The following TMEM272 variants were observed in gnomAD, a reference collection of about 807,000 sequenced individuals.
TMEM272 encodes the protein transmembrane protein 272.
A neutral mutation model predicts 3.7 loss-of-function variants in TMEM272; 8 were observed. That is an observed-to-expected ratio of 2.17 (90% CI 1.27 to 3.91). The LOEUF (loss-of-function observed/expected upper bound fraction) is 3.91. TMEM272 is among the 30% of genes most tolerant of loss of function. The probability of loss-of-function intolerance (pLI) is 0.00; values close to 1 mark genes in which losing one functional copy is unlikely to be tolerated. For synonymous variants in TMEM272, 63 were observed against 39.8 expected (o/e 1.58, Z -2.20); for missense variants, 166 against 91.5 (o/e 1.81, Z -3.32).
Position 51,838,611 on chromosome 13 carries a change from T to C in TMEM272, c.-23-58A>G, listed in dbSNP as rs1198184164. The C allele has an allele frequency of 9.2e-5, 65 of 702,806 alleles. No homozygotes were observed. In the East Asian group the frequency reaches 1.7e-3, roughly 19 times the overall value. The allele number at this position is 702,806 out of a possible 1,614,324, so 43.5% of individuals were successfully genotyped here. On this transcript the variant is annotated intron_variant, in intron 1 of 4. Transcript: ENST00000629372. ...GGTGGAAGGATTTACTCAGCACCAA[T>C]AACCAACCCTCTCTGTGCATGTCAG...
chr13:51,930,137 C>A, the TMEM272 span, among the ~76,000 whole-genome samples: 374 of 148,724 alleles, frequency 2.5e-3, 2 homozygotes, highest in African/African-American at 8.6e-3. Flanking sequence ...TCCCCCCCCC[C>A]ACTTTCTATA....
intron 1 of TMEM272, among the ~76,000 whole-genome samples, chr13:51,844,084 A>C (rs142571435): frequency 4.9e-4 from 74 of 152,272 alleles, no homozygotes; most frequent in Non-Finnish European, 2.9e-4. Flanking sequence ...CCAAAATGTC[A>C]ATAGGACTAG....
the TMEM272 span, among the ~76,000 whole-genome samples, chr13:51,901,823 C>A: frequency 6.6e-6 from 1 of 152,218 alleles, no homozygotes; most frequent in Non-Finnish European, 1.5e-5. Context: ...CCCAGCCTAG[C>A]TACAATCCTC....
the TMEM272 span, among the ~76,000 whole-genome samples, chr13:51,913,665 T>C: frequency 6.6e-6 from 1 of 152,120 alleles, no homozygotes; most frequent in Non-Finnish European, 1.5e-5. Flanking sequence ...CATGTCCTTC[T>C]GGGGGATGCT....
At chr13:51,849,735 G>T (rs1221611747), upstream of TMEM272, among the ~76,000 whole-genome samples, 2 of 152,258 alleles carry the variant, frequency 1.3e-5, no homozygotes, top group Non-Finnish European at 2.9e-5. Context: ...CTTGGAGTGG[G>T]TGTGAGGAAA....
chr13:51,922,959 T>C, the TMEM272 span, among the ~76,000 whole-genome samples: 1 of 152,214 alleles, frequency 6.6e-6, no homozygotes, highest in Non-Finnish European at 1.5e-5. Context: ...TCAAGACCCT[T>C]AATCACATGT....
At chr13:51,929,267 C>T in the TMEM272 span, among the ~76,000 whole-genome samples, 2 of 152,112 alleles carry the variant, frequency 1.3e-5, no homozygotes, top group Non-Finnish European at 2.9e-5. Context: ...GATAAAAATA[C>T]GTTGACTGTC....
At chr13:51,841,116 G>T (rs1050917081) in intron 1 of TMEM272, among the ~76,000 whole-genome samples, 1 of 152,046 alleles carries the variant, frequency 6.6e-6, no homozygotes, top group Non-Finnish European at 1.5e-5. Flanking sequence ...AACCCTCCTG[G>T]ATCCAGTGAT....
At chr13:51,912,813 C>T in the TMEM272 span, among the ~76,000 whole-genome samples, 4 of 152,146 alleles carry the variant, frequency 2.6e-5, no homozygotes, top group East Asian at 5.8e-4. Context: ...ATTTAATGCA[C>T]GCTCACTGAA....
the TMEM272 span, chr13:51,910,294 A>G: frequency 2.1e-6 from 3 of 1,424,458 alleles, no homozygotes; most frequent in Admixed American, 1.7e-5. Flanking sequence ...TCTAAAGATG[A>G]CTCTACTTCA....
At chr13:51,831,229 C>T (rs1399925088) in intron 2 of TMEM272, among the ~76,000 whole-genome samples, 4 of 152,170 alleles carry the variant, frequency 2.6e-5, no homozygotes. Flanking sequence ...TGAAACCCAC[C>T]TGGGCAACAT....
At chr13:51,881,358 ACT>A in the TMEM272 span, among the ~76,000 whole-genome samples, 2 of 133,112 alleles carry the variant, frequency 1.5e-5, no homozygotes, top group African/African-American at 5.5e-5. Flanking sequence ...TATTATAATA[ACT>A]CTTTTAAAAA....
chr13:51,881,319 C>T, the TMEM272 span, among the ~76,000 whole-genome samples: 1 of 151,906 alleles, frequency 6.6e-6, no homozygotes, highest in Admixed American at 6.6e-5. Flanking sequence ...TTACAGATGA[C>T]ATGGATGGTG....
At chr13:51,932,680 A>T in the TMEM272 span, 3 of 152,248 alleles carry the variant, frequency 2.0e-5, no homozygotes, top group African/African-American at 7.2e-5. Context: ...TTTTAGAGGA[A>T]TGACAGGAAC....
chr13:51,888,645 T>G, the TMEM272 span, among the ~76,000 whole-genome samples: 1 of 104,040 alleles, frequency 9.6e-6, no homozygotes, highest in Admixed American at 9.2e-5. Flanking sequence ...TTTTCTTTTT[T>G]TTTTTTTTTT....
chr13:51,880,432 A>C, the TMEM272 span, among the ~76,000 whole-genome samples: 2 of 152,240 alleles, frequency 1.3e-5, no homozygotes, highest in Non-Finnish European at 2.9e-5. Context: ...AATTAGAATC[A>C]GTTATTTTTA....
chr13:51,863,532 T>C, the TMEM272 span, among the ~76,000 whole-genome samples: 1 of 151,946 alleles, frequency 6.6e-6, no homozygotes, highest in Non-Finnish European at 1.5e-5. Flanking sequence ...GAGGGCTTGA[T>C]GGTTGAGGAG....
chr13:51,908,289 T>A, the TMEM272 span: 1 of 1,109,806 alleles, frequency 9.0e-7, no homozygotes, highest in Non-Finnish European at 1.3e-6. Context: ...GGGAACTCAC[T>A]CTATCTTCAG....
At chr13:51,851,802 C>T in the TMEM272 span, among the ~76,000 whole-genome samples, 4 of 152,168 alleles carry the variant, frequency 2.6e-5, no homozygotes, top group Non-Finnish European at 5.9e-5. Context: ...GGATTACAGG[C>T]GTGAGCCACC....
Sources: allele counts gnomAD v4.1 joint callset (sites outside exome capture counted in the v4.1 genomes callset), GRCh38; gene constraint gnomAD v4.1.1; transcripts MANE v1.5; gene names NCBI Gene and HGNC (gene_info 2026-07-23, HGNC 2026-07-21).